Variants in OPCML observed in about 807,000 individuals in gnomAD.
OPCML encodes the protein opioid-binding protein/cell adhesion molecule.
OPCML carries 13 observed loss-of-function variants against 37.8 expected under a neutral mutation model. That is an observed-to-expected ratio of 0.34 (90% CI 0.22 to 0.55). OPCML has a LOEUF of 0.55. Ranked by LOEUF, OPCML falls within the 20% of genes least tolerant of loss-of-function variation. The probability of loss-of-function intolerance (pLI) is 0.91; values close to 1 mark genes in which losing one functional copy is unlikely to be tolerated. For missense variants in OPCML, 341 were observed against 435.6 expected (o/e 0.78, Z 1.93); for synonymous variants, 176 against 168.8 (o/e 1.04, Z -0.33).
At position 132,436,637 on chromosome 11, in the gene OPCML, C is replaced by T. The variant is rs1377094630; in HGVS notation, c.764+22G>A. ...ACCATCAGCTCTGCTTCAGAACTGT[C>T]CAGGTGTCATTTAAAAGGTACCTGG... On this transcript the variant is annotated intron_variant, in intron 6 of 7. Coordinates refer to ENST00000524381, the MANE Select transcript of OPCML (RefSeq NM_001012393.5). The T allele has an allele frequency of 2.5e-6, 4 of 1,613,828 alleles. No homozygotes were observed. In the Admixed American group the frequency reaches 6.7e-5, roughly 27 times the overall value.
chr11:133,118,899 T>C (rs933038080), intron 1 of OPCML, among the ~76,000 whole-genome samples: 5 of 152,172 alleles, frequency 3.3e-5, no homozygotes, highest in Non-Finnish European at 7.3e-5. Context: ...ACCAAGCAAA[T>C]GGCTGGTCTT....
chr11:132,882,555 T>G (rs371725252), intron 2 of OPCML, among the ~76,000 whole-genome samples: 1 of 152,068 alleles, frequency 6.6e-6, no homozygotes, highest in South Asian at 2.1e-4. Context: ...GCCTCACAAA[T>G]CCCCCAACTT....
chr11:133,276,485 A>G (rs908967046), intron 1 of OPCML, among the ~76,000 whole-genome samples: 18 of 152,312 alleles, frequency 1.2e-4, no homozygotes, highest in African/African-American at 4.3e-4. Context: ...AGCAAAACCT[A>G]CCCAGATATG....
chr11:133,200,137 T>C (rs977049201), intron 1 of OPCML, among the ~76,000 whole-genome samples: 1 of 152,152 alleles, frequency 6.6e-6, no homozygotes, highest in African/African-American at 2.4e-5. Flanking sequence ...TCTGCTGAAC[T>C]CTTTACTTAC....
intron 3 of OPCML, among the ~76,000 whole-genome samples, chr11:132,607,759 C>T (rs1023050078): frequency 5.9e-5 from 9 of 152,090 alleles, no homozygotes; most frequent in African/African-American, 2.2e-4. Flanking sequence ...ATTGATAGCA[C>T]TACCAGAAGG....
At chr11:132,936,184 A>G (rs1203435360) in intron 2 of OPCML, among the ~76,000 whole-genome samples, 1 of 152,224 alleles carries the variant, frequency 6.6e-6, no homozygotes. Context: ...TTCAACTGAA[A>G]TGCAGATTTC....
At chr11:133,354,679 G>C (rs1944242379) in intron 1 of OPCML, among the ~76,000 whole-genome samples, 1 of 152,140 alleles carries the variant, frequency 6.6e-6, no homozygotes, top group Non-Finnish European at 1.5e-5. Flanking sequence ...TCAATATTTT[G>C]AGTGTTATGA....
chr11:133,140,720 C>T (rs1456864872), intron 1 of OPCML, among the ~76,000 whole-genome samples: 2 of 21,434 alleles, frequency 9.3e-5, no homozygotes, highest in South Asian at 1.7e-3. Context: ...AAGACGAAGA[C>T]GGAAGACGAC....
chr11:132,757,956 G>A (rs536251332), intron 2 of OPCML, among the ~76,000 whole-genome samples: 43 of 152,052 alleles, frequency 2.8e-4, no homozygotes, highest in Admixed American at 1.3e-3. Context: ...TCTTTAATTC[G>A]TCTTGAGTTA....
intron 2 of OPCML, among the ~76,000 whole-genome samples, chr11:132,895,148 A>G (rs1442645446): frequency 6.6e-6 from 1 of 152,200 alleles, no homozygotes; most frequent in African/African-American, 2.4e-5. Flanking sequence ...CAGCACAGAG[A>G]GCACTGAACT....
chr11:133,396,400 T>C (rs977870073), intron 1 of OPCML, among the ~76,000 whole-genome samples: 1 of 152,160 alleles, frequency 6.6e-6, no homozygotes, highest in Non-Finnish European at 1.5e-5. Flanking sequence ...CTAATTGCTC[T>C]AGCTAGGACT....
At chr11:133,396,721 T>C (rs149131339) in intron 1 of OPCML, among the ~76,000 whole-genome samples, 171 of 152,324 alleles carry the variant, frequency 1.1e-3, no homozygotes, top group African/African-American at 4.0e-3. Flanking sequence ...ACAAGACAAA[T>C]GGCACATTCA....
intron 1 of OPCML, among the ~76,000 whole-genome samples, chr11:132,944,483 G>C (rs1393907333): frequency 6.6e-6 from 1 of 152,152 alleles, no homozygotes; most frequent in Non-Finnish European, 1.5e-5. Context: ...GGAAACGCCC[G>C]TGCCCCTCCA....
At chr11:132,660,165 A>G (rs1941901330) in intron 2 of OPCML, among the ~76,000 whole-genome samples, 1 of 152,218 alleles carries the variant, frequency 6.6e-6, no homozygotes, top group African/African-American at 2.4e-5. Context: ...TAAATGCCGT[A>G]GATAAATATC....
intron 1 of OPCML, among the ~76,000 whole-genome samples, chr11:133,477,870 G>T (rs1947279192): frequency 6.6e-6 from 1 of 152,116 alleles, no homozygotes; most frequent in African/African-American, 2.4e-5. Context: ...ACTTACGTAG[G>T]GGTAACCAAA....
chr11:132,951,312 A>G (rs1945855401), intron 1 of OPCML, among the ~76,000 whole-genome samples: 1 of 152,236 alleles, frequency 6.6e-6, no homozygotes, highest in African/African-American at 2.4e-5. Flanking sequence ...GTCTGAGATC[A>G]GGGTGCCAGC....
intron 2 of OPCML, among the ~76,000 whole-genome samples, chr11:132,935,026 C>A (rs1945324425): frequency 1.3e-5 from 2 of 151,952 alleles, no homozygotes; most frequent in Admixed American, 6.6e-5. Context: ...ATAATCCCAG[C>A]TACTCAGGAG....
chr11:133,252,707 A>C (rs1211215140), intron 1 of OPCML, among the ~76,000 whole-genome samples: 1 of 152,210 alleles, frequency 6.6e-6, no homozygotes, highest in Admixed American at 6.5e-5. Context: ...AGAGCATGAC[A>C]GCCACTCGGG....
intron 1 of OPCML, among the ~76,000 whole-genome samples, chr11:133,248,370 G>A (rs765337284): frequency 1.3e-5 from 2 of 152,230 alleles, no homozygotes; most frequent in Non-Finnish European, 2.9e-5. Flanking sequence ...GAAGGAAGAC[G>A]CAGAGTAGAC....
Sources: gnomAD v4.1 joint callset for allele counts (sites outside exome capture counted in the v4.1 genomes callset) on GRCh38, gnomAD v4.1.1 for gene constraint, MANE v1.5 for transcripts, NCBI Gene and HGNC (gene_info 2026-07-23, HGNC 2026-07-21) for gene names.